KANK1: variants seen among roughly 807,000 people sequenced by gnomAD.
The protein encoded by KANK1 is KN motif and ankyrin repeat domains 1.
KANK1 carries 109 observed loss-of-function variants against 106.2 expected under a neutral mutation model. The ratio of observed to expected loss-of-function variants is 1.03; its 90% CI spans 0.88 to 1.20. The LOEUF is 1.20. Ranked by LOEUF, KANK1 falls within the 50% of genes most tolerant of loss-of-function variation. The probability of loss-of-function intolerance (pLI) is 0.00; values close to 1 mark genes in which losing one functional copy is unlikely to be tolerated. For synonymous variants in KANK1, 873 were observed against 652.2 expected (o/e 1.34, Z -5.16); for missense variants, 2,399 against 1,710.7 (o/e 1.40, Z -7.10).
intron 1 of KANK1, among the ~76,000 whole-genome samples, chr9:570,757 A>T (rs190219921): frequency 6.6e-6 from 1 of 152,160 alleles, no homozygotes; most frequent in Non-Finnish European, 1.5e-5. Flanking sequence ...ATAATGCCTA[A>T]ATTATGTTGC....
rs982540135 is a variant in KANK1, at chr9:521,391, G to A, written c.-84+16637G>A. On this transcript the variant is annotated intron_variant, in intron 1 of 11. Transcript: ENST00000382297. Reference sequence around the variant, plus strand: ...CTTCTGCTTGGTTGACTTTTAAAAAGTAGGTGCACCAAGCCTCAGCTGGTG... The same window carrying A: ...CTTCTGCTTGGTTGACTTTTAAAAAATAGGTGCACCAAGCCTCAGCTGGTG... Among the ~76,000 whole-genome samples the A allele has an allele frequency of 1.1e-4, 16 of 151,566 alleles. 3 individuals carry two copies. The Middle Eastern group carries it at 0.01, about 97-fold the overall frequency.
intron 1 of KANK1, among the ~76,000 whole-genome samples, chr9:581,942 C>G (rs1031571064): frequency 6.6e-6 from 1 of 152,198 alleles, no homozygotes; most frequent in African/African-American, 2.4e-5. Flanking sequence ...CTTCCAAGAT[C>G]TCCCTTAAGT....
At chr9:659,384 T>C (rs182569599) in intron 1 of KANK1, among the ~76,000 whole-genome samples, 1 of 152,146 alleles carries the variant, frequency 6.6e-6, no homozygotes, top group South Asian at 2.1e-4. Context: ...AAAATGCAGA[T>C]TGCAGGGCCC....
At chr9:710,741 ATAT>A (rs1266454229) in intron 2 of KANK1, 60 bp from the exon 3 acceptor site, 6 of 1,456,966 alleles carry the variant, frequency 4.1e-6, no homozygotes, top group African/African-American at 1.4e-5. Flanking sequence ...ACAAACACAA[ATAT>A]TAGTTTTTAC....
intron 2 of KANK1, among the ~76,000 whole-genome samples, chr9:696,040 C>G (rs951117543): frequency 1.3e-5 from 2 of 152,000 alleles, no homozygotes; most frequent in African/African-American, 4.8e-5. Flanking sequence ...TGCCTGTAAT[C>G]CCAGCACTTT....
intron 1 of KANK1, among the ~76,000 whole-genome samples, chr9:583,166 A>T (rs187030935): frequency 1.3e-5 from 2 of 152,310 alleles, no homozygotes; most frequent in South Asian, 2.1e-4. Context: ...TTTACTACAA[A>T]CACAGCTGGG....
chr9:612,337 C>T (rs930105536), intron 1 of KANK1, among the ~76,000 whole-genome samples: 6 of 152,102 alleles, frequency 3.9e-5, no homozygotes, highest in Non-Finnish European at 8.8e-5. Flanking sequence ...TAAGATGTCC[C>T]AGTGATGCAC....
intron 1 of KANK1, among the ~76,000 whole-genome samples, chr9:536,876 C>A (rs1468909036): frequency 6.6e-6 from 1 of 152,156 alleles, no homozygotes; most frequent in Admixed American, 6.5e-5. Flanking sequence ...GCAGTCGGCA[C>A]CCCTTTAAGT....
At chr9:636,855 C>T (rs1264352063) in intron 1 of KANK1, among the ~76,000 whole-genome samples, 2 of 152,198 alleles carry the variant, frequency 1.3e-5, no homozygotes, top group Non-Finnish European at 2.9e-5. Flanking sequence ...CAGCGCGAGA[C>T]TCCGTCTCAA....
intron 1 of KANK1, among the ~76,000 whole-genome samples, chr9:550,368 C>A (rs1036554800): frequency 6.6e-6 from 1 of 152,146 alleles, no homozygotes; most frequent in Non-Finnish European, 1.5e-5. Flanking sequence ...TCCTTTTTCC[C>A]TGCATCCGTA....
At chr9:741,408 C>T (rs1373682120) in intron 9 of KANK1, among the ~76,000 whole-genome samples, 2 of 151,652 alleles carry the variant, frequency 1.3e-5, no homozygotes, top group African/African-American at 2.4e-5. Context: ...CAACCACCCC[C>T]GGCTCCCTGG....
chr9:700,423 C>T (rs979557820), intron 2 of KANK1, among the ~76,000 whole-genome samples: 5 of 152,172 alleles, frequency 3.3e-5, no homozygotes, highest in Non-Finnish European at 7.3e-5. Context: ...TGTTGTACTT[C>T]GCTGTCTTCT....
intron 1 of KANK1, among the ~76,000 whole-genome samples, chr9:610,141 A>G (rs949468757): frequency 5.9e-5 from 9 of 152,226 alleles, no homozygotes; most frequent in African/African-American, 2.2e-4. Context: ...TCTTCAGGCC[A>G]TAATAAGTTA....
chr9:693,333 C>T lies in KANK1; in HGVS notation c.37+16324C>T, dbSNP rs971189716. The T allele has an allele frequency of 5.9e-5, 55 of 930,292 alleles. No homozygotes were observed. The African/African-American group carries it at 9.3e-4, about 16-fold the overall frequency. 57.6% of individuals were successfully genotyped at this position (930,292 alleles called of 1,614,324 possible). A position where few individuals can be genotyped will look rare whatever the true frequency, so the allele number is the denominator to read the frequency against. ...CTATAGCTCAAATTGTAACAGAGAG[C>T]CTTTCTCTGCAGTGGAGGGTTAGGG... is the stretch of plus-strand genomic sequence containing the variant. On this transcript the variant is annotated intron_variant, in intron 2 of 11. Transcript: ENST00000382297.
At chr9:543,250 T>C (rs2060716664) in intron 1 of KANK1, among the ~76,000 whole-genome samples, 1 of 152,064 alleles carries the variant, frequency 6.6e-6, no homozygotes, top group Admixed American at 6.5e-5. Context: ...TTCTATACAA[T>C]GTAATGTGCT....
intron 1 of KANK1, among the ~76,000 whole-genome samples, chr9:591,128 C>T (rs1824773202): frequency 6.6e-6 from 1 of 151,530 alleles, no homozygotes; most frequent in Non-Finnish European, 1.5e-5. Context: ...GGGGTATTTG[C>T]TATTTTTGTT....
chr9:637,021 T>G (rs893330025), intron 1 of KANK1, among the ~76,000 whole-genome samples: 2 of 152,214 alleles, frequency 1.3e-5, no homozygotes, highest in Admixed American at 6.5e-5. Flanking sequence ...GAATATTTTA[T>G]CTAGTACTTT....
intron 1 of KANK1, among the ~76,000 whole-genome samples, chr9:593,809 G>A (rs1361021270): frequency 4.6e-5 from 7 of 151,898 alleles, no homozygotes; most frequent in Non-Finnish European, 7.3e-5. Context: ...TAGCTAAAAT[G>A]TGTTCACTGG....
At chr9:639,580 G>A (rs190664488) in intron 1 of KANK1, among the ~76,000 whole-genome samples, 1 of 152,024 alleles carries the variant, frequency 6.6e-6, no homozygotes, top group African/African-American at 2.4e-5. Flanking sequence ...GCCTCCCAAA[G>A]TTCTGGGATT....
Sources: gnomAD v4.1 joint callset for allele counts (sites outside exome capture counted in the v4.1 genomes callset) on GRCh38, gnomAD v4.1.1 for gene constraint, MANE v1.5 for transcripts, NCBI Gene and HGNC (gene_info 2026-07-23, HGNC 2026-07-21) for gene names.